The following C3orf62 variants were observed in gnomAD, a reference collection of about 807,000 sequenced individuals.
C3orf62 encodes the protein chromosome 3 open reading frame 62.
C3orf62 carries 16 observed loss-of-function variants against 21.7 expected under a neutral mutation model. The ratio of observed to expected loss-of-function variants is 0.74; its 90% confidence interval spans 0.50 to 1.12. The LOEUF is 1.12. Among genes scored for constraint, C3orf62 ranks in the 50% most tolerant of loss-of-function variants. The pLI is 0.00. For synonymous variants in C3orf62, 114 were observed against 117.0 expected, an observed-to-expected ratio of 0.97 and a Z score of 0.17; for missense variants, 310 against 318.8, an observed-to-expected ratio of 0.97 and a Z score of 0.21.
At chr3:49,273,977 T>C in intron 2 of C3orf62, 72 bp downstream of exon 2, 1 of 1,061,948 alleles carries the variant, frequency 9.4e-7, no homozygotes, top group Non-Finnish European at 1.5e-6. Flanking sequence ...ATATCTGAGA[T>C]ATTTGCTGAC....
intron 1 of C3orf62, among the ~76,000 whole-genome samples, chr3:49,276,200 G>T (rs1050940203): frequency 6.6e-6 from 1 of 152,108 alleles, no homozygotes; most frequent in African/African-American, 2.4e-5. Flanking sequence ...ACTGGTTTTT[G>T]ACATCAACGA....
At chr3:49,273,801 G>A (rs1164083706) in intron 2 of C3orf62, among the ~76,000 whole-genome samples, 4 of 151,924 alleles carry the variant, frequency 2.6e-5, no homozygotes, top group East Asian at 1.9e-4. Context: ...GATTACCGGC[G>A]TGCACCACCA....
At chr3:49,275,519 G>GTTGTTTTT (rs530323357) in intron 1 of C3orf62, among the ~76,000 whole-genome samples, 1 of 69,292 alleles carries the variant, frequency 1.4e-5, no homozygotes, top group Non-Finnish European at 2.5e-5. Flanking sequence ...GAACTTTGAA[G>GTTGTTTTT]TTTTTTTTTT....
Position 49,277,153 on chromosome 3 carries a change from T to G in C3orf62, c.-281A>C. On this transcript the variant is annotated 5_prime_UTR_variant, in exon 1 of 3. Transcript: ENST00000343010. ...CGCTGGCCCTACCGGCACCCCCCCT[T>G]TGGCGAGTCGGCAGCCACGTCCTTG... The G allele has an allele frequency of 7.0e-7, 1 of 1,426,282 alleles. No individual in the cohort carries two copies. Among genetic ancestry groups the G allele is most frequent in the Non-Finnish European group, 9.3e-7 (1 of 1,076,472 alleles). 88.4% of individuals were successfully genotyped at this position (1,426,282 alleles called of 1,614,324 possible). A position where few individuals can be genotyped will look rare whatever the true frequency, so the allele number is the denominator to read the frequency against.
chr3:49,277,035 A>C lies in C3orf62; in HGVS notation c.-163T>G. The C allele has an allele frequency of 6.8e-7, 1 of 1,463,330 alleles. No homozygotes were observed. The highest frequency in any genetic ancestry group is 1.4e-5 in the South Asian group (1 of 72,948). The allele number at this position is 1,463,330 out of a possible 1,614,324, so 90.6% of individuals were successfully genotyped here. A position where few individuals can be genotyped will look rare whatever the true frequency, so the allele number is the denominator to read the frequency against. On this transcript the variant is annotated 5_prime_UTR_variant, in exon 1 of 3. An upstream start codon of the reference 5' UTR is lost. Coordinates refer to ENST00000343010, the MANE Select transcript of C3orf62 (RefSeq NM_198562.3). ...CTCGGCTCTCGCGGAGGAACCCGCCATCTGCCAGAAGCCCCAAAGACGCCC... is the reference window on the plus strand; with the variant it reads ...CTCGGCTCTCGCGGAGGAACCCGCCCTCTGCCAGAAGCCCCAAAGACGCCC...
chr3:49,272,251 C>G (rs10049462), intron 2 of C3orf62, among the ~76,000 whole-genome samples: 1 of 152,096 alleles, frequency 6.6e-6, no homozygotes, highest in Non-Finnish European at 1.5e-5. Context: ...GTAAACCCAG[C>G]ACTTTGGGAG....
intron 1 of C3orf62, among the ~76,000 whole-genome samples, chr3:49,274,844 A>T (rs886653231): frequency 2.0e-5 from 3 of 150,970 alleles, no homozygotes; most frequent in African/African-American, 7.3e-5. Context: ...TTAAAGACAG[A>T]GTCTTGCTCT....
chr3:49,271,951 C>G (rs1456434374), intron 2 of C3orf62, among the ~76,000 whole-genome samples: 1 of 150,966 alleles, frequency 6.6e-6, no homozygotes, highest in East Asian at 2.0e-4. Context: ...AAAAACCTCC[C>G]TGATGTTGGT....
chr3:49,274,370 T>C (rs913171990), intron 1 of C3orf62: 1 of 467,646 alleles, frequency 2.1e-6, no homozygotes, highest in Admixed American at 3.5e-5. Flanking sequence ...TAAATTTTTT[T>C]CTTTTTTAGA....
Position 49,274,823 on chromosome 3 carries a change from G to A in C3orf62, c.447-683C>T, listed in dbSNP as rs1217119304. Among the ~76,000 whole-genome samples, 108 of 147,660 alleles carry A rather than the reference G, an allele frequency of 7.3e-4. No individual in the cohort carries two copies. In the Admixed American group the frequency reaches 7.3e-3, roughly 10 times the overall value. On this transcript the variant is annotated intron_variant, in intron 1 of 2. Transcript: ENST00000343010. ...TTACAGGAGTGAACCACCGCGCCTG[G>A]CCTGTTTGTTTTAAAGACAGAGTCT...
Position 49,271,102 on chromosome 3 carries a change from G to A in C3orf62, c.*78C>T. Reference sequence around the variant, plus strand: ...CAACCTTTTGAGAAATGTGGCCCCTGACGGCCATTGTAGCTGCTTCTGCTC... The same window carrying A: ...CAACCTTTTGAGAAATGTGGCCCCTAACGGCCATTGTAGCTGCTTCTGCTC... On this transcript the variant is annotated 3_prime_UTR_variant, in exon 3 of 3. Coordinates refer to ENST00000343010, the MANE Select transcript of C3orf62 (RefSeq NM_198562.3). 1 of 1,426,294 alleles carries A rather than the reference G, an allele frequency of 7.0e-7. No individual in the cohort carries two copies. Among genetic ancestry groups the A allele is most frequent in the Non-Finnish European group, 9.5e-7 (1 of 1,047,960 alleles). The allele number at this position is 1,426,294 out of a possible 1,614,324, so 88.4% of individuals were successfully genotyped here.
Position 49,277,126 on chromosome 3 carries a change from G to T in C3orf62, c.-254C>A. On this transcript the variant is annotated 5_prime_UTR_variant, in exon 1 of 3. Transcript: ENST00000343010. ...CCTCCCGCCCCACCGCGGCTCCCAG[G>T]CCGCTGGCCCTACCGGCACCCCCCC... 3 of 1,469,226 alleles carry T rather than the reference G, an allele frequency of 2.0e-6. No individual in the cohort carries two copies. The highest frequency in any genetic ancestry group is 2.7e-6 in the Non-Finnish European group (3 of 1,103,538). The allele number at this position is 1,469,226 out of a possible 1,614,324, so 91.0% of individuals were successfully genotyped here.
intron 2 of C3orf62, among the ~76,000 whole-genome samples, chr3:49,273,732 T>G (rs2046930429): frequency 6.6e-6 from 1 of 152,068 alleles, no homozygotes; most frequent in Non-Finnish European, 1.5e-5. Context: ...CTCAGCTCAC[T>G]GCAACCTCTG....
chr3:49,271,665 A>G (rs1370985600), intron 2 of C3orf62, among the ~76,000 whole-genome samples: 1 of 152,174 alleles, frequency 6.6e-6, no homozygotes, highest in African/African-American at 2.4e-5. Flanking sequence ...ACTATATGCC[A>G]GTCCCCAAGA....
chr3:49,275,686 A>G (rs1170972879), intron 1 of C3orf62, among the ~76,000 whole-genome samples: 11 of 149,658 alleles, frequency 7.4e-5, no homozygotes, highest in African/African-American at 1.5e-4. Flanking sequence ...GCCCGCCACC[A>G]CGCCCGGCTA....
At position 49,274,155 on chromosome 3, in the gene C3orf62, T is replaced by TG. The variant is rs574629363; in HGVS notation, c.447-16dup. On this transcript the variant is annotated splice_polypyrimidine_tract_variant and intron_variant, in intron 1 of 2. Transcript: ENST00000343010. ...CCATATCTTTCCTGCAGCCCCCAGG[T>TG]GGGGGGGAAGAAAAGGTGGGGAATT... 1.6e-5 allele frequency: 26 copies of TG among 1,594,190 alleles called. No individual in the cohort carries two copies. Among genetic ancestry groups the TG allele is most frequent in the East Asian group, 2.2e-5 (1 of 44,802 alleles).
At chr3:49,275,519 GTTTTTTTT>G (rs59375945) in intron 1 of C3orf62, among the ~76,000 whole-genome samples, 7,757 of 68,738 alleles carry the variant, frequency 0.11, 191 homozygotes, top group Middle Eastern at 0.14. Context: ...GAACTTTGAA[GTTTTTTTT>G]TTTTTTTTTT....
intron 1 of C3orf62, among the ~76,000 whole-genome samples, chr3:49,275,647 C>T (rs1340827954): frequency 1.3e-5 from 2 of 149,698 alleles, no homozygotes; most frequent in Middle Eastern, 3.5e-3. Context: ...TCTCCTGCCT[C>T]AGCCTCCCGA....
chr3:49,275,408 C>T (rs1041562008), intron 1 of C3orf62, among the ~76,000 whole-genome samples: 1 of 150,460 alleles, frequency 6.6e-6, no homozygotes, highest in Non-Finnish European at 1.5e-5. Context: ...TTATGAGTAC[C>T]AATATAAATA....
Sources: allele counts gnomAD v4.1 joint callset (sites outside exome capture counted in the v4.1 genomes callset), GRCh38; gene constraint gnomAD v4.1.1; transcripts MANE v1.5; gene names NCBI Gene and HGNC (gene_info 2026-07-23, HGNC 2026-07-21).